SLFN12L: variants seen among roughly 807,000 people sequenced by gnomAD.
SLFN12L encodes the protein schlafen family member 12 like.
SLFN12L carries 34 observed loss-of-function variants against 34.8 expected under a neutral mutation model. The ratio of observed to expected loss-of-function variants is 0.98; its 90% CI spans 0.74 to 1.30. SLFN12L has a LOEUF of 1.30. Ranked by LOEUF, SLFN12L falls within the 50% of genes most tolerant of loss-of-function variation. The pLI is 0.00. For synonymous variants in SLFN12L, 259 were observed against 247.5 expected, an observed-to-expected ratio of 1.05 and a Z score of -0.44; for missense variants, 703 against 696.2, an observed-to-expected ratio of 1.01 and a Z score of -0.11.
chr17:35,500,744 A>G (rs1024917138), intron 2 of SLFN12L, among the ~76,000 whole-genome samples: 1 of 149,700 alleles, frequency 6.7e-6, no homozygotes, highest in Non-Finnish European at 1.5e-5. Flanking sequence ...AAAAAAAAAG[A>G]TCGACCCCTG....
chr17:35,469,608 G>T lies in SLFN12L; in HGVS notation c.*5315C>A, dbSNP rs368786353. Among the ~76,000 whole-genome samples, 3 of 151,926 alleles carry T rather than the reference G, an allele frequency of 2.0e-5. No homozygotes were observed. The highest frequency in any genetic ancestry group is 6.6e-5 in the Admixed American group (1 of 15,252). ...ATTACCACCCCAGGTTTCTTACGAT[G>T]ATGCCAAATAGGCCCAGGGGCAATG... On this transcript the variant is annotated 3_prime_UTR_variant, in exon 5 of 5. Transcript: ENST00000628453.
At chr17:35,511,895 T>A (rs560997888) in intron 2 of SLFN12L, among the ~76,000 whole-genome samples, 9 of 152,348 alleles carry the variant, frequency 5.9e-5, no homozygotes, top group Admixed American at 5.9e-4. Flanking sequence ...ATTGTCAACA[T>A]GGCACTAATA....
At chr17:35,502,533 G>A (rs1335624810) in intron 2 of SLFN12L, among the ~76,000 whole-genome samples, 2 of 148,248 alleles carry the variant, frequency 1.3e-5, no homozygotes, top group Admixed American at 6.7e-5. Context: ...ACAAAGGTCC[G>A]ACCAGACCTA....
rs200771462 is a variant in SLFN12L, at chr17:35,475,921, A to AT, written c.1277-437dup. On this transcript the variant is annotated intron_variant, in intron 4 of 4. Transcript: ENST00000628453. ...TCTCAAAAAAATTCTACATATATAT[A>AT]TATTTTTTTAAATTTATATATATGT... 4.1e-5 allele frequency among the ~76,000 whole-genome samples: 6 copies of AT among 146,224 alleles called. No individual in the cohort carries two copies. The East Asian group carries it at 1.2e-3, about 29-fold the overall frequency.
chr17:35,482,852 T>A (rs1237874962), intron 2 of SLFN12L, among the ~76,000 whole-genome samples: 1 of 152,150 alleles, frequency 6.6e-6, no homozygotes, highest in Non-Finnish European at 1.5e-5. Context: ...TGCTGTAGAC[T>A]GTGGGGACTT....
chr17:35,530,234 C>T (rs1240467872), intron 1 of SLFN12L, among the ~76,000 whole-genome samples: 1 of 148,172 alleles, frequency 6.7e-6, no homozygotes, highest in Non-Finnish European at 1.5e-5. Flanking sequence ...GTAGTCCTAG[C>T]TACTCGGGAG....
chr17:35,530,756 G>T (rs2072403860), intron 1 of SLFN12L, among the ~76,000 whole-genome samples: 1 of 152,190 alleles, frequency 6.6e-6, no homozygotes, highest in Non-Finnish European at 1.5e-5. Context: ...GCTATGGTGA[G>T]AAGGGGGCTC....
chr17:35,518,443 C>T (rs929946463), intron 2 of SLFN12L, among the ~76,000 whole-genome samples: 6 of 151,342 alleles, frequency 4.0e-5, no homozygotes, highest in East Asian at 1.9e-4. Context: ...CCCAGCTACT[C>T]GGGAAGCTGA....
chr17:35,519,195 G>A (rs1915927080), intron 2 of SLFN12L, among the ~76,000 whole-genome samples: 2 of 152,096 alleles, frequency 1.3e-5, no homozygotes, highest in African/African-American at 4.8e-5. Flanking sequence ...TCAGAGGGTA[G>A]GGGGGCAAGG....
intron 3 of SLFN12L, among the ~76,000 whole-genome samples, chr17:35,478,750 G>A (rs912707005): frequency 2.0e-5 from 3 of 152,198 alleles, no homozygotes; most frequent in African/African-American, 4.8e-5. Context: ...AGATGAAAGA[G>A]CAAGCAAGTA....
chr17:35,475,623 G>A lies in SLFN12L; in HGVS notation c.1277-138C>T, dbSNP rs191059253. ...CTATGTAAAAGTGTATCAGGGCCAG[G>A]CATGGTGGCTCACACCTGTAATAAC... is the stretch of plus-strand genomic sequence containing the variant. On this transcript the variant is annotated intron_variant, in intron 4 of 4. Transcript: ENST00000628453. 1.1e-3 allele frequency: 1,417 copies of A among 1,335,706 alleles called. 14 individuals carry two copies. The African/African-American group carries it at 0.019, about 18-fold the overall frequency. 82.7% of individuals were successfully genotyped at this position (1,335,706 alleles called of 1,614,324 possible).
At chr17:35,498,380 C>T (rs530395593) in intron 2 of SLFN12L, 2 of 1,131,014 alleles carry the variant, frequency 1.8e-6, no homozygotes, top group South Asian at 2.5e-5. Flanking sequence ...CTCATTGTGC[C>T]GACATAGTGT....
At chr17:35,515,552 T>G (rs1278958952) in intron 2 of SLFN12L, among the ~76,000 whole-genome samples, 1 of 151,886 alleles carries the variant, frequency 6.6e-6, no homozygotes, top group Non-Finnish European at 1.5e-5. Flanking sequence ...CACTGCCACC[T>G]GCGCCTCCCA....
At chr17:35,495,023 G>A (rs950013038) in intron 2 of SLFN12L, among the ~76,000 whole-genome samples, 2 of 151,748 alleles carry the variant, frequency 1.3e-5, no homozygotes, top group African/African-American at 4.8e-5. Context: ...CTGAGCCACT[G>A]GAGTAGCTGG....
intron 2 of SLFN12L, among the ~76,000 whole-genome samples, chr17:35,488,619 T>C (rs1186377069): frequency 6.6e-6 from 1 of 152,142 alleles, no homozygotes; most frequent in Non-Finnish European, 1.5e-5. Context: ...CAGGCCAAAA[T>C]GACTCACTAA....
chr17:35,494,821 T>C (rs1411583855), intron 2 of SLFN12L, among the ~76,000 whole-genome samples: 2 of 152,212 alleles, frequency 1.3e-5, no homozygotes, highest in African/African-American at 2.4e-5. Context: ...AGTTGGATCC[T>C]GTCTTTATTT....
intron 1 of SLFN12L, among the ~76,000 whole-genome samples, chr17:35,535,341 C>A (rs942875983): frequency 1.3e-5 from 2 of 151,792 alleles, no homozygotes; most frequent in African/African-American, 4.8e-5. Flanking sequence ...CAGACATGTG[C>A]CACCTTGCCT....
At chr17:35,515,632 A>ATTTTTT (rs1915797169) in intron 2 of SLFN12L, among the ~76,000 whole-genome samples, 1 of 80,180 alleles carries the variant, frequency 1.2e-5, no homozygotes, top group Non-Finnish European at 2.3e-5. Flanking sequence ...CACGCCCGGC[A>ATTTTTT]ATTTTTTTTT....
In SLFN12L at chr17:35,479,656, G is replaced by C. The variant is rs747058979; in HGVS notation, c.626C>G (p.Ala209Gly). ...YLRPEFPAKR[A>G]CVDVQEESNM... ...ACTTTCTTCTTGTACATCAACACAG[G>C]CCCTTTTTGCAGGGAATTCTGGTCT... The change falls in exon 3 of 5, where the codon GCC (alanine) becomes GGC (glycine). Residue 209 changes from alanine to glycine, a missense_variant. By Grantham distance (60) the Ala-to-Gly change is moderately conservative (BLOSUM62 0). Transcript: ENST00000628453. The C allele has an allele frequency of 2.5e-6, 4 of 1,611,066 alleles. No individual in the cohort carries two copies. The highest frequency in any genetic ancestry group is 1.7e-5 in the Admixed American group (1 of 59,490).
Sources: allele counts gnomAD v4.1 joint callset (sites outside exome capture counted in the v4.1 genomes callset), GRCh38; gene constraint gnomAD v4.1.1; transcripts MANE v1.5; gene names NCBI Gene and HGNC (gene_info 2026-07-23, HGNC 2026-07-21).